CNTNAP2: variants seen among roughly 807,000 people sequenced by gnomAD.
The protein encoded by CNTNAP2 is contactin-associated protein-like 2.
CNTNAP2 carries 98 observed loss-of-function variants against 155.2 expected under a neutral mutation model. That is an observed-to-expected ratio of 0.63 (90% CI 0.54 to 0.75). The LOEUF is 0.75. Ranked by LOEUF, CNTNAP2 falls within the 30% of genes least tolerant of loss-of-function variation. The pLI is 0.00. For synonymous variants in CNTNAP2, 651 were observed against 631.2 expected (o/e 1.03, Z -0.47); for missense variants, 1,727 against 1,688.1 (o/e 1.02, Z -0.40).
intron 1 of CNTNAP2, among the ~76,000 whole-genome samples, chr7:146,161,376 A>G (rs555378106): frequency 1.3e-5 from 2 of 152,248 alleles, no homozygotes; most frequent in East Asian, 3.9e-4. Context: ...GAAAGAAATA[A>G]AGGGTATTCA....
chr7:148,271,477 C>CGT (rs200709116), intron 21 of CNTNAP2, among the ~76,000 whole-genome samples: 1 of 152,220 alleles, frequency 6.6e-6, no homozygotes, highest in Non-Finnish European at 1.5e-5. Flanking sequence ...AAACCACAGG[C>CGT]TTCAAGCTAC....
At chr7:146,861,732 G>C (rs748321694) in intron 3 of CNTNAP2, among the ~76,000 whole-genome samples, 12 of 152,150 alleles carry the variant, frequency 7.9e-5, no homozygotes, top group Non-Finnish European at 1.6e-4. Context: ...CATCAGCCTT[G>C]TCAGGGTTGT....
chr7:147,795,722 G>C (rs946651842), intron 13 of CNTNAP2, among the ~76,000 whole-genome samples: 2 of 152,028 alleles, frequency 1.3e-5, no homozygotes, highest in African/African-American at 4.8e-5. Context: ...AAAGAAATCT[G>C]GGTTTTAATT....
intron 15 of CNTNAP2, among the ~76,000 whole-genome samples, chr7:148,076,360 CCA>C (rs1803484579): frequency 6.6e-6 from 1 of 150,728 alleles, no homozygotes; most frequent in Non-Finnish European, 1.5e-5. Context: ...ATGATCTCGC[CCA>C]AAATGTCAAG....
chr7:146,343,773 T>G (rs939316815), intron 1 of CNTNAP2, among the ~76,000 whole-genome samples: 1 of 152,158 alleles, frequency 6.6e-6, no homozygotes, highest in African/African-American at 2.4e-5. Flanking sequence ...TGCTTATTTT[T>G]TAATAGCATA....
At chr7:146,946,901 T>A (rs1460967044) in intron 3 of CNTNAP2, among the ~76,000 whole-genome samples, 1 of 152,082 alleles carries the variant, frequency 6.6e-6, no homozygotes, top group Non-Finnish European at 1.5e-5. Context: ...AAAGAGCAAA[T>A]ACAAGCATTC....
At chr7:146,523,506 C>G (rs1797645177) in intron 1 of CNTNAP2, among the ~76,000 whole-genome samples, 1 of 152,006 alleles carries the variant, frequency 6.6e-6, no homozygotes. Flanking sequence ...CATATCATGT[C>G]CAAAATAACC....
At chr7:146,893,432 TGTGTGTG>T (rs1236033963) in intron 3 of CNTNAP2, among the ~76,000 whole-genome samples, 14 of 149,842 alleles carry the variant, frequency 9.3e-5, no homozygotes, top group Admixed American at 6.7e-4. Flanking sequence ...TATATACATA[TGTGTGTG>T]TATGTATATA....
chr7:146,185,589 C>T (rs1394040440), intron 1 of CNTNAP2, among the ~76,000 whole-genome samples: 1 of 152,172 alleles, frequency 6.6e-6, no homozygotes, highest in Non-Finnish European at 1.5e-5. Context: ...CTCGGGCATC[C>T]TCTCTCCAGA....
intron 3 of CNTNAP2, among the ~76,000 whole-genome samples, chr7:146,887,113 T>G (rs547282174): frequency 3.9e-5 from 6 of 152,068 alleles, no homozygotes; most frequent in Non-Finnish European, 8.8e-5. Context: ...CATTTTTTTC[T>G]ATCTCAGATA....
At chr7:147,074,127 G>C (rs762720063) in intron 4 of CNTNAP2, among the ~76,000 whole-genome samples, 10 of 152,112 alleles carry the variant, frequency 6.6e-5, no homozygotes, top group Non-Finnish European at 1.3e-4. Context: ...CCATAGGTAA[G>C]ATCCAACATT....
intron 4 of CNTNAP2, among the ~76,000 whole-genome samples, chr7:147,076,445 T>A (rs896061254): frequency 2.6e-5 from 4 of 152,238 alleles, no homozygotes; most frequent in African/African-American, 4.8e-5. Context: ...GAGAAGTGTC[T>A]GTTCATATCC....
At chr7:147,095,424 C>T (rs1800510046) in intron 4 of CNTNAP2, among the ~76,000 whole-genome samples, 1 of 151,870 alleles carries the variant, frequency 6.6e-6, no homozygotes, top group South Asian at 2.1e-4. Context: ...CAACTCCTAA[C>T]ACTGTAACAT....
rs117007136 is a variant in CNTNAP2 at position 146,319,008 on chromosome 7, G to A, written c.97+202035G>A. Among the ~76,000 whole-genome samples the A allele has an allele frequency of 8.1e-4, 124 of 152,164 alleles. No homozygotes were observed. In the East Asian group the frequency reaches 0.022, roughly 27 times the overall value. On this transcript the variant is annotated intron_variant, in intron 1 of 23. Transcript: ENST00000361727. ...CAGTTGAGAAAACTGAGGCACAAAA[G>A]GTAGAGTAATACGCCCACTGTCACA...
intron 13 of CNTNAP2, among the ~76,000 whole-genome samples, chr7:147,743,863 A>G (rs1287778964): frequency 1.3e-5 from 2 of 151,862 alleles, no homozygotes; most frequent in African/African-American, 4.8e-5. Flanking sequence ...TGCCATGGTG[A>G]TGGCTACTGT....
intron 16 of CNTNAP2, among the ~76,000 whole-genome samples, chr7:148,125,386 T>C (rs1273828537): frequency 6.6e-6 from 1 of 152,092 alleles, no homozygotes; most frequent in African/African-American, 2.4e-5. Flanking sequence ...ACCTGATAGG[T>C]AGTTTTTCCA....
At chr7:146,445,215 A>G (rs1796386080) in intron 1 of CNTNAP2, among the ~76,000 whole-genome samples, 1 of 152,230 alleles carries the variant, frequency 6.6e-6, no homozygotes. Flanking sequence ...TAAATACTGC[A>G]GTAAATATTA....
chr7:146,433,658 A>G (rs758973090), intron 1 of CNTNAP2, among the ~76,000 whole-genome samples: 5 of 152,172 alleles, frequency 3.3e-5, no homozygotes, highest in African/African-American at 7.2e-5. Context: ...TCATGAGTTC[A>G]GAAAAGATTG....
At chr7:146,696,723 A>G (rs1273336734) in intron 1 of CNTNAP2, among the ~76,000 whole-genome samples, 1 of 151,942 alleles carries the variant, frequency 6.6e-6, no homozygotes, top group Non-Finnish European at 1.5e-5. Flanking sequence ...TTGTATTTTA[A>G]TTTTCACTTC....
Sources: gnomAD v4.1 joint callset for allele counts (sites outside exome capture counted in the v4.1 genomes callset) on GRCh38, gnomAD v4.1.1 for gene constraint, MANE v1.5 for transcripts, NCBI Gene and HGNC (gene_info 2026-07-23, HGNC 2026-07-21) for gene names.